The following GALNT16 variants were observed in gnomAD, a reference collection of about 807,000 sequenced individuals.
GALNT16 encodes UDP-GalNAc:polypeptide N-acetylgalactosaminyltransferase-like protein 1.
GALNT16 carries 40 observed loss-of-function variants against 76.1 expected under a neutral mutation model. The ratio of observed to expected loss-of-function variants is 0.53; its 90% CI spans 0.41 to 0.68. The LOEUF is 0.68. Among genes scored for constraint, GALNT16 ranks in the 30% least tolerant of loss-of-function variants. The pLI is 0.00. For missense variants in GALNT16, 621 were observed against 731.9 expected (o/e 0.85, Z 1.75); for synonymous variants, 276 against 285.2 (o/e 0.97, Z 0.32).
At chr14:69,280,157 C>T (rs937322847) in intron 1 of GALNT16, among the ~76,000 whole-genome samples, 4 of 152,196 alleles carry the variant, frequency 2.6e-5, no homozygotes, top group African/African-American at 7.2e-5. Flanking sequence ...CTTTCATCTT[C>T]CCAAACTCAA....
Position 69,331,325 on chromosome 14 carries a change from G to A in GALNT16, c.691-139G>A. On this transcript the variant is annotated intron_variant, in intron 6 of 14. Coordinates refer to ENST00000448469, the MANE Select transcript of GALNT16 (RefSeq NM_001168368.2). ...CAGCTGCCAGGAGCCTGCCAGGGTTGAGGGGTGGCCCTGGGCATACCCTGC... is the reference window on the plus strand; with the variant it reads ...CAGCTGCCAGGAGCCTGCCAGGGTTAAGGGGTGGCCCTGGGCATACCCTGC... 3 of 654,904 alleles carry A rather than the reference G, an allele frequency of 4.6e-6. No individual in the cohort carries two copies. In the East Asian group the frequency reaches 7.7e-5, roughly 17 times the overall value. 40.6% of individuals were successfully genotyped at this position (654,904 alleles called of 1,614,324 possible). A position where few individuals can be genotyped will look rare whatever the true frequency, so the allele number is the denominator to read the frequency against.
In GALNT16 at chr14:69,309,064, T is replaced by C. The variant is rs189788987; in HGVS notation, c.178-11647T>C. Reference sequence around the variant, plus strand: ...TGCTTTAATTTGCATTTTTATTTAGTCATTAATGAGGTTGAACATCTTTTC... The same window carrying C: ...TGCTTTAATTTGCATTTTTATTTAGCCATTAATGAGGTTGAACATCTTTTC... On this transcript the variant is annotated intron_variant, in intron 1 of 14. Transcript: ENST00000448469. Among the ~76,000 whole-genome samples the C allele has an allele frequency of 5.3e-3, 807 of 152,346 alleles. 11 individuals are homozygous for C. The highest frequency in any genetic ancestry group is 0.03 in the South Asian group (146 of 4,824).
At position 69,333,070 on chromosome 14, in the gene GALNT16, T is replaced by G; in HGVS notation, c.779-15T>G. On this transcript the variant is annotated splice_polypyrimidine_tract_variant and intron_variant, in intron 7 of 14. Transcript: ENST00000448469. The surrounding 1 kb of genome is among the most constrained non-coding windows in gnomAD (Gnocchi z 4.2). ...TCTGCCCTGAGCTCTGTCCTCACCT[T>G]GCTGTGTCCCTTAGGGTTCGACTGG... The G allele has an allele frequency of 6.3e-7, 1 of 1,598,234 alleles. No individual in the cohort carries two copies. Among genetic ancestry groups the G allele is most frequent in the Non-Finnish European group, 8.6e-7 (1 of 1,165,528 alleles).
At chr14:69,331,604 G>T in intron 7 of GALNT16, 53 bp downstream of exon 7, 1 of 1,025,608 alleles carries the variant, frequency 9.8e-7, no homozygotes. Flanking sequence ...GGTAGGTGAG[G>T]CTAGGCAGGC....
rs199826471 is a variant in GALNT16 at position 69,333,037 on chromosome 14, C to G, written c.779-48C>G. Reference sequence around the variant, plus strand: ...GTGGTGGAGTGAAGGGTCTCAGCAGCCCGCAGCTCTGCCCTGAGCTCTGTC... The same window carrying G: ...GTGGTGGAGTGAAGGGTCTCAGCAGGCCGCAGCTCTGCCCTGAGCTCTGTC... On this transcript the variant is annotated intron_variant, in intron 7 of 14. Coordinates refer to ENST00000448469, the MANE Select transcript of GALNT16 (RefSeq NM_001168368.2). This position sits in a 1 kb window ranked among gnomAD's most constrained non-coding sequence, Gnocchi z 4.2. 4.3e-5 allele frequency: 58 copies of G among 1,345,724 alleles called. No homozygotes were observed. The African/African-American group carries it at 7.8e-4, about 18-fold the overall frequency. The allele number at this position is 1,345,724 out of a possible 1,614,324, so 83.4% of individuals were successfully genotyped here. A position where few individuals can be genotyped will look rare whatever the true frequency, so the allele number is the denominator to read the frequency against.
chr14:69,268,780 G>A (rs904756504), intron 1 of GALNT16, among the ~76,000 whole-genome samples: 1 of 152,216 alleles, frequency 6.6e-6, no homozygotes, highest in South Asian at 2.1e-4. Context: ...GCCAGGAAAG[G>A]CCTCTGGTAA....
the GALNT16 span, among the ~76,000 whole-genome samples, chr14:69,373,987 C>G: frequency 1.3e-5 from 2 of 152,152 alleles, no homozygotes; most frequent in Admixed American, 1.3e-4. Context: ...TGCCACGTTG[C>G]CCAGGCTGGT....
intron 7 of GALNT16, among the ~76,000 whole-genome samples, chr14:69,332,804 G>T (rs2045368821): frequency 6.6e-6 from 1 of 150,522 alleles, no homozygotes; most frequent in Non-Finnish European, 1.5e-5. Context: ...TAATAGTATG[G>T]GCACTCCTTC....
At chr14:69,351,998 C>T in intron 14 of GALNT16, 33 bp from the exon 15 acceptor site, 1 of 1,569,928 alleles carries the variant, frequency 6.4e-7, no homozygotes, top group Non-Finnish European at 8.7e-7. Flanking sequence ...TTGTTTTCTC[C>T]TTCCTCTTCT....
the GALNT16 span, among the ~76,000 whole-genome samples, chr14:69,373,876 G>A: frequency 2.6e-5 from 4 of 151,996 alleles, no homozygotes; most frequent in African/African-American, 4.8e-5. Flanking sequence ...GACCTCCTGG[G>A]CTTAAGCAAT....
chr14:69,333,578 C>T lies in GALNT16; in HGVS notation c.945C>T (p.Asp315=), dbSNP rs745868682. The T allele has an allele frequency of 7.6e-6, 12 of 1,583,674 alleles. No homozygotes were observed. The South Asian group carries it at 1.0e-4, about 13-fold the overall frequency. Reference sequence around the variant, plus strand: ...TGGGAAAGTATGATGCCCAGATGGACATCTGGGGGGGAGAGAATTTTGGTG... The same window carrying T: ...TGGGAAAGTATGATGCCCAGATGGATATCTGGGGGGGAGAGAATTTTGGTG... ...NHLGKYDAQM[D]IWGGENFELS... Residue 315 remains aspartate, a synonymous_variant, in exon 9 of 15, where the codon GAC becomes GAT. Coordinates refer to ENST00000448469, the MANE Select transcript of GALNT16 (RefSeq NM_001168368.2). This position sits in a 1 kb window ranked among gnomAD's most constrained non-coding sequence, Gnocchi z 4.2.
intron 1 of GALNT16, among the ~76,000 whole-genome samples, chr14:69,278,774 A>G (rs1263870560): frequency 6.6e-6 from 1 of 152,238 alleles, no homozygotes; most frequent in Non-Finnish European, 1.5e-5. Flanking sequence ...CCTGAAGGCA[A>G]ATCTTTGCAC....
At chr14:69,320,623 C>T (rs1208557449) in intron 1 of GALNT16, 88 bp from the exon 2 acceptor site, 2 of 1,243,712 alleles carry the variant, frequency 1.6e-6, no homozygotes, top group Non-Finnish European at 2.3e-6. Flanking sequence ...GGCCACGTGG[C>T]TGGCTCCCGC....
intron 1 of GALNT16, among the ~76,000 whole-genome samples, chr14:69,262,451 C>T (rs1344077233): frequency 6.6e-6 from 1 of 152,220 alleles, no homozygotes; most frequent in Non-Finnish European, 1.5e-5. Context: ...TCATGAGAAT[C>T]ACCAGTAAAC....
chr14:69,379,431 C>A, the GALNT16 span, among the ~76,000 whole-genome samples: 1 of 151,510 alleles, frequency 6.6e-6, no homozygotes, highest in Non-Finnish European at 1.5e-5. Context: ...CATAAAACAA[C>A]AAAAAAAATA....
At position 69,354,418 on chromosome 14, in the gene GALNT16, C is replaced by T. The variant is rs2140210309; in HGVS notation, c.*2250C>T. The T allele has an allele frequency of 6.5e-6, 1 of 152,916 alleles. No homozygotes were observed. The highest frequency in any genetic ancestry group is 1.5e-5 in the Non-Finnish European group (1 of 68,112). The allele number at this position is 152,916 out of a possible 1,614,324, so 9.5% of individuals were successfully genotyped here. On this transcript the variant is annotated 3_prime_UTR_variant, in exon 15 of 15. Coordinates refer to ENST00000448469, the MANE Select transcript of GALNT16 (RefSeq NM_001168368.2). ...TGTGCCACTAGCTGTCCTTGAGGAC[C>T]TCGTCTTTATGAAACACACACCTGG...
chr14:69,313,329 C>G (rs548720480), intron 1 of GALNT16, among the ~76,000 whole-genome samples: 1 of 152,264 alleles, frequency 6.6e-6, no homozygotes. Context: ...CAGCCTCACA[C>G]TCCCTCCATC....
intron 1 of GALNT16, among the ~76,000 whole-genome samples, chr14:69,320,088 C>G (rs75151747): frequency 1.4e-5 from 2 of 147,402 alleles, no homozygotes; most frequent in Non-Finnish European, 3.0e-5. Flanking sequence ...AGGACTCACC[C>G]CCCCAATATC....
intron 1 of GALNT16, among the ~76,000 whole-genome samples, chr14:69,262,899 A>G (rs1436170730): frequency 7.9e-6 from 1 of 126,622 alleles, no homozygotes; most frequent in African/African-American, 3.1e-5. Context: ...TTTTTTTTTG[A>G]GATGGAGTCT....
Sources: allele counts gnomAD v4.1 joint callset (sites outside exome capture counted in the v4.1 genomes callset), GRCh38; gene constraint gnomAD v4.1.1; non-coding constraint Gnocchi (gnomAD v3.1); transcripts MANE v1.5; gene names NCBI Gene and HGNC (gene_info 2026-07-23, HGNC 2026-07-21).